Variants in CDA observed in about 807,000 individuals in gnomAD.
CDA encodes cytidine deaminase.
CDA carries 7 observed loss-of-function variants against 15.0 expected under a neutral mutation model. The ratio of observed to expected loss-of-function variants is 0.47; its 90% CI spans 0.26 to 0.87. The LOEUF is 0.87. CDA is among the 40% of genes least tolerant of loss of function. The probability of loss-of-function intolerance (pLI) is 0.15; values close to 1 mark genes in which losing one functional copy is unlikely to be tolerated. For synonymous variants in CDA, 58 were observed against 73.0 expected (o/e 0.79, Z 1.05); for missense variants, 159 against 182.7 (o/e 0.87, Z 0.75).
chr1:20,606,017 G>A (rs1484324492), intron 2 of CDA, among the ~76,000 whole-genome samples: 1 of 125,674 alleles, frequency 8.0e-6, no homozygotes, highest in Admixed American at 7.7e-5. Context: ...GCAAGCCCAC[G>A]TGCCTTTTAT....
intron 2 of CDA, among the ~76,000 whole-genome samples, chr1:20,609,826 G>A (rs188830095): frequency 9.2e-5 from 14 of 152,236 alleles, no homozygotes; most frequent in Middle Eastern, 3.4e-3. Context: ...GAGTTCACTC[G>A]GCATCCTGGG....
chr1:20,607,829 C>G (rs2052708439), intron 2 of CDA, among the ~76,000 whole-genome samples: 1 of 152,144 alleles, frequency 6.6e-6, no homozygotes, highest in African/African-American at 2.4e-5. Context: ...AGTACCAGCT[C>G]CCTTGTTAAC....
At chr1:20,607,586 T>G (rs2052705798) in intron 2 of CDA, among the ~76,000 whole-genome samples, 1 of 152,226 alleles carries the variant, frequency 6.6e-6, no homozygotes. Flanking sequence ...CTATTTAGAA[T>G]TTTCCAAATG....
chr1:20,594,448 G>A (rs1251769362), intron 1 of CDA, among the ~76,000 whole-genome samples: 1 of 151,998 alleles, frequency 6.6e-6, no homozygotes, highest in East Asian at 1.9e-4. Flanking sequence ...AAAAAGTGAG[G>A]ACACAAAGAG....
chr1:20,594,553 C>T (rs976204568), intron 1 of CDA, among the ~76,000 whole-genome samples: 1 of 151,868 alleles, frequency 6.6e-6, no homozygotes, highest in Admixed American at 6.6e-5. Context: ...TTTTGGAGGC[C>T]GAGCTGGGCG....
intron 2 of CDA, among the ~76,000 whole-genome samples, chr1:20,609,385 C>G (rs2052725074): frequency 6.6e-6 from 1 of 152,160 alleles, no homozygotes; most frequent in African/African-American, 2.4e-5. Flanking sequence ...ACTCAGGAGG[C>G]TGAGGCAGGA....
At chr1:20,617,456 G>T (rs1247458104) in intron 3 of CDA, among the ~76,000 whole-genome samples, 1 of 152,138 alleles carries the variant, frequency 6.6e-6, no homozygotes, top group Non-Finnish European at 1.5e-5. Context: ...TCATGGGAGG[G>T]ACCTGGTGGG....
chr1:20,610,688 T>C (rs935970219), intron 2 of CDA, among the ~76,000 whole-genome samples: 1 of 152,228 alleles, frequency 6.6e-6, no homozygotes, highest in African/African-American at 2.4e-5. Flanking sequence ...GATAAAGTAC[T>C]AAAATTATGA....
chr1:20,611,915 T>A (rs1436773602), intron 2 of CDA, among the ~76,000 whole-genome samples: 3 of 152,136 alleles, frequency 2.0e-5, no homozygotes, highest in African/African-American at 7.2e-5. Context: ...CAGGCTGGAG[T>A]GCGGTGGCAC....
In CDA at chr1:20,600,203, T is replaced by C. The variant is rs149079949; in HGVS notation, c.155-4725T>C. Reference sequence around the variant, plus strand: ...GACCATCCTGAGAGACTGGGTCTTCTGCAAGTGTGGAAATGTGCTTTAACG... The same window carrying C: ...GACCATCCTGAGAGACTGGGTCTTCCGCAAGTGTGGAAATGTGCTTTAACG... On this transcript the variant is annotated intron_variant, in intron 1 of 3. Transcript: ENST00000375071. 2.0e-3 allele frequency among the ~76,000 whole-genome samples: 309 copies of C among 152,368 alleles called. 1 individual carries two copies. The highest frequency in any genetic ancestry group is 6.3e-3 in the Admixed American group (96 of 15,304).
In CDA at chr1:20,608,130, A is replaced by G. The variant is rs183978818; in HGVS notation, c.266+3091A>G. On this transcript the variant is annotated intron_variant, in intron 2 of 3. Coordinates refer to ENST00000375071, the MANE Select transcript of CDA (RefSeq NM_001785.3). ...GGGAGAAAGGGGGAAGCTGTGAAGA[A>G]ACATCCTGAGGCAGCCAGCAGGTGC... Among the ~76,000 whole-genome samples, 743 of 152,340 alleles carry G rather than the reference A, an allele frequency of 4.9e-3. 18 individuals carry two copies. The highest frequency in any genetic ancestry group is 0.04 in the Admixed American group (612 of 15,300).
At chr1:20,602,190 T>C (rs972292445) in intron 1 of CDA, among the ~76,000 whole-genome samples, 3 of 150,436 alleles carry the variant, frequency 2.0e-5, no homozygotes, top group Non-Finnish European at 3.0e-5. Flanking sequence ...GAAGGCTAAG[T>C]TGATGAAATC....
At chr1:20,601,345 C>G (rs975899772) in intron 1 of CDA, among the ~76,000 whole-genome samples, 5 of 152,184 alleles carry the variant, frequency 3.3e-5, no homozygotes, top group African/African-American at 1.2e-4. Flanking sequence ...ATAGCAAGGT[C>G]ATAGGAGACA....
intron 2 of CDA, among the ~76,000 whole-genome samples, chr1:20,612,306 C>G (rs1182902454): frequency 6.6e-6 from 1 of 152,154 alleles, no homozygotes; most frequent in African/African-American, 2.4e-5. Context: ...CCTCTGAGCC[C>G]AAGCTAAGCG....
At chr1:20,592,828 C>T (rs1277512161) in intron 1 of CDA, among the ~76,000 whole-genome samples, 2 of 152,222 alleles carry the variant, frequency 1.3e-5, no homozygotes, top group Non-Finnish European at 2.9e-5. Flanking sequence ...TGCGGTGGCT[C>T]ATGCCAGTAA....
intron 2 of CDA, among the ~76,000 whole-genome samples, chr1:20,610,842 A>G (rs2052744071): frequency 6.6e-6 from 1 of 152,228 alleles, no homozygotes; most frequent in Non-Finnish European, 1.5e-5. Context: ...CAGATGACGT[A>G]TCATCCACAT....
At chr1:20,616,758 C>G (rs1053604450) in intron 3 of CDA, among the ~76,000 whole-genome samples, 1 of 152,170 alleles carries the variant, frequency 6.6e-6, no homozygotes, top group African/African-American at 2.4e-5. Flanking sequence ...GGACCTGACA[C>G]GTAAACTCGC....
intron 1 of CDA, among the ~76,000 whole-genome samples, chr1:20,604,629 G>A (rs2052676580): frequency 6.6e-6 from 1 of 152,130 alleles, no homozygotes; most frequent in Admixed American, 6.5e-5. Flanking sequence ...CTTGACCTCT[G>A]CAGGGGTGAT....
chr1:20,603,451 C>T (rs1319058267), intron 1 of CDA, among the ~76,000 whole-genome samples: 1 of 152,204 alleles, frequency 6.6e-6, no homozygotes, highest in Non-Finnish European at 1.5e-5. Flanking sequence ...CCATCACCTC[C>T]ACCTTCCAGT....
Sources: gnomAD v4.1 joint callset for allele counts (sites outside exome capture counted in the v4.1 genomes callset) on GRCh38, gnomAD v4.1.1 for gene constraint, MANE v1.5 for transcripts, NCBI Gene and HGNC (gene_info 2026-07-23, HGNC 2026-07-21) for gene names.